Variants in ESR1 observed in about 807,000 individuals in gnomAD.
ESR1 encodes the protein estrogen receptor.
In ESR1, 12 loss-of-function variants were observed where a neutral mutation model predicts 52.7. That is an observed-to-expected ratio of 0.23 (90% CI 0.15 to 0.37). The LOEUF (loss-of-function observed/expected upper bound fraction) is 0.37, where lower values mean the gene tolerates loss of function less well. ESR1 is among the 10% of genes least tolerant of loss of function. The pLI, the probability that ESR1 is intolerant of heterozygous loss-of-function variation, is 1.00. For synonymous variants in ESR1, 305 were observed against 316.8 expected (o/e 0.96, Z 0.39); for missense variants, 584 against 779.7 (o/e 0.75, Z 2.99).
intron 1 of ESR1, among the ~76,000 whole-genome samples, chr6:151,657,828 A>C (rs1181059616): frequency 6.6e-6 from 1 of 152,176 alleles, no homozygotes; most frequent in Non-Finnish European, 1.5e-5. Flanking sequence ...GGATGTAAAA[A>C]ATGGTTATAT....
intron 2 of ESR1, 79 bp from the exon 3 acceptor site, chr6:151,880,576 C>A: frequency 1.1e-6 from 1 of 874,976 alleles, no homozygotes; most frequent in Non-Finnish European, 2.0e-6. Flanking sequence ...GGAAAACAGC[C>A]TCCAAAAGGT....
At chr6:151,755,972 C>T (rs554561869) in intron 2 of ESR1, among the ~76,000 whole-genome samples, 1 of 152,190 alleles carries the variant, frequency 6.6e-6, no homozygotes, top group African/African-American at 2.4e-5. Flanking sequence ...CACTTCCATT[C>T]AGTAACAGTC....
intron 5 of ESR1, among the ~76,000 whole-genome samples, chr6:152,025,458 C>G (rs1178256663): frequency 6.6e-6 from 1 of 151,780 alleles, no homozygotes; most frequent in Non-Finnish European, 1.5e-5. Flanking sequence ...CTTCTGGAGT[C>G]AGATATTGTA....
chr6:152,106,815 A>AG (rs1417184039), downstream of ESR1, among the ~76,000 whole-genome samples: 2 of 152,132 alleles, frequency 1.3e-5, no homozygotes, highest in Non-Finnish European at 2.9e-5. Context: ...TATGTTGCCC[A>AG]GGCTGGTCTT....
At chr6:151,688,708 T>C (rs1487842557), upstream of ESR1, among the ~76,000 whole-genome samples, 1 of 152,200 alleles carries the variant, frequency 6.6e-6, no homozygotes, top group South Asian at 2.1e-4. Context: ...CTAAACAATA[T>C]AGTATAACAC....
chr6:151,680,204 C>CTT (rs35600661), intron 1 of ESR1, among the ~76,000 whole-genome samples: 2,414 of 126,770 alleles, frequency 0.019, 54 homozygotes, highest in Non-Finnish European at 0.026. Context: ...TTTCTTTTCT[C>CTT]TTTTTTTTTT....
chr6:151,686,509 C>T (rs1014326897), upstream of ESR1, among the ~76,000 whole-genome samples: 2 of 152,162 alleles, frequency 1.3e-5, no homozygotes, highest in Non-Finnish European at 1.5e-5. Flanking sequence ...CATGGTGAAA[C>T]CCCGTCTCTA....
chr6:152,128,856 C>T (rs948673566), exon 7 of ESR1: 5 of 152,218 alleles, frequency 3.3e-5, no homozygotes, highest in Non-Finnish European at 1.5e-5. Context: ...GCCTTTCATT[C>T]TCGGGGTTGG....
upstream of ESR1, among the ~76,000 whole-genome samples, chr6:151,688,535 A>C (rs1414921901): frequency 6.6e-6 from 1 of 152,174 alleles, no homozygotes; most frequent in African/African-American, 2.4e-5. Context: ...TAGTACAGCC[A>C]GCCCTCCATA....
rs144384008 is a variant in ESR1, at chr6:152,035,850, G to A, written c.1235+24056G>A. Among the ~76,000 whole-genome samples, 406 of 152,134 alleles carry A rather than the reference G, an allele frequency of 2.7e-3. 2 individuals are homozygous for A. Among genetic ancestry groups the A allele is most frequent in the African/African-American group, 9.4e-3 (389 of 41,500 alleles). On this transcript the variant is annotated intron_variant, in intron 5 of 7. Transcript: ENST00000206249. Reference sequence around the variant, plus strand: ...GTAAGTTAATGGTCCTGACACAATTGATATCTACATAGAAAAAAAAACTTA... The same window carrying A: ...GTAAGTTAATGGTCCTGACACAATTAATATCTACATAGAAAAAAAAACTTA...
chr6:151,873,842 C>G (rs1410175969), intron 2 of ESR1, among the ~76,000 whole-genome samples: 2 of 152,126 alleles, frequency 1.3e-5, no homozygotes, highest in East Asian at 3.8e-4. Flanking sequence ...TTTATAGTTC[C>G]TGGATGCTTC....
chr6:151,898,984 A>G (rs1796023666), intron 3 of ESR1, among the ~76,000 whole-genome samples: 1 of 151,426 alleles, frequency 6.6e-6, no homozygotes, highest in African/African-American at 2.4e-5. Context: ...GGCCGGGCAG[A>G]GGCGCCCCTC....
At chr6:151,779,409 A>G (rs1562399232) in intron 2 of ESR1, among the ~76,000 whole-genome samples, 1 of 152,196 alleles carries the variant, frequency 6.6e-6, no homozygotes, top group Non-Finnish European at 1.5e-5. Context: ...TATGCAGCCA[A>G]CAAACATATG....
At chr6:151,959,693 C>CTT (rs59292149) in intron 4 of ESR1, among the ~76,000 whole-genome samples, 13 of 149,540 alleles carry the variant, frequency 8.7e-5, no homozygotes, top group East Asian at 2.0e-4. Flanking sequence ...TGTCTCAATT[C>CTT]TTTTTTTTTT....
upstream of ESR1, chr6:151,804,929 G>A (rs1401636678): frequency 1.3e-5 from 2 of 152,208 alleles, no homozygotes; most frequent in African/African-American, 4.8e-5. Flanking sequence ...GAACGCCACT[G>A]GGAAATGAGA....
At chr6:152,109,534 A>G (rs2051106881) in intron 6 of ESR1, among the ~76,000 whole-genome samples, 1 of 152,032 alleles carries the variant, frequency 6.6e-6, no homozygotes, top group Admixed American at 6.6e-5. Context: ...AGAAAATACA[A>G]AATTACCTGG....
chr6:151,677,786 C>T (rs1052747368), intron 1 of ESR1, among the ~76,000 whole-genome samples: 4 of 152,146 alleles, frequency 2.6e-5, no homozygotes, highest in African/African-American at 7.2e-5. Flanking sequence ...ATAATAGAGT[C>T]GCCCTGGGAA....
At chr6:152,083,712 A>C (rs1340641425) in intron 6 of ESR1, among the ~76,000 whole-genome samples, 1 of 152,250 alleles carries the variant, frequency 6.6e-6, no homozygotes, top group Non-Finnish European at 1.5e-5. Flanking sequence ...CCCATCTGAC[A>C]AAGGGCTAAT....
intron 2 of ESR1, among the ~76,000 whole-genome samples, chr6:151,858,093 T>G (rs1405121964): frequency 6.6e-6 from 1 of 152,216 alleles, no homozygotes; most frequent in African/African-American, 2.4e-5. Flanking sequence ...TATTTGCAAA[T>G]CATTTTGACT....
Sources: gnomAD v4.1 joint callset for allele counts (sites outside exome capture counted in the v4.1 genomes callset) on GRCh38, gnomAD v4.1.1 for gene constraint, MANE v1.5 for transcripts, NCBI Gene and HGNC (gene_info 2026-07-23, HGNC 2026-07-21) for gene names.